Variants in TIAM2 observed in about 807,000 individuals in gnomAD.
TIAM2 encodes the protein rho guanine nucleotide exchange factor TIAM2.
Under a neutral mutation model 152.9 loss-of-function variants are expected in TIAM2, and 80 were observed. That is an observed-to-expected ratio of 0.52 (90% confidence interval 0.44 to 0.63). The LOEUF (loss-of-function observed/expected upper bound fraction) is 0.63. TIAM2 is among the 30% of genes least tolerant of loss of function. The pLI, the probability that TIAM2 is intolerant of heterozygous loss-of-function variation, is 0.00. For synonymous variants in TIAM2, 804 were observed against 838.0 expected, an observed-to-expected ratio of 0.96 and a Z score of 0.70; for missense variants, 1,965 against 2,120.1, an observed-to-expected ratio of 0.93 and a Z score of 1.44.
Position 155,218,492 on chromosome 6 carries a change from C to G in TIAM2, c.3168+7185C>G, listed in dbSNP as rs1370508940. 2.6e-5 allele frequency among the ~76,000 whole-genome samples: 4 copies of G among 152,196 alleles called. No homozygotes were observed. Among genetic ancestry groups the G allele is most frequent in the Non-Finnish European group, 5.9e-5 (4 of 68,040 alleles). On this transcript the variant is annotated intron_variant, in intron 15 of 26. Transcript: ENST00000682666. The surrounding 1 kb of genome is among the most constrained non-coding windows in gnomAD (Gnocchi z 4.5). ...ATTATGTGACCTGGGGCAAGTTACCCAACCTTTGTAAGCCTGTGTGTCCTC... is the reference window on the plus strand; with the variant it reads ...ATTATGTGACCTGGGGCAAGTTACCGAACCTTTGTAAGCCTGTGTGTCCTC...
chr6:155,148,199 C>T lies in TIAM2; in HGVS notation c.1893C>T (p.Asp631=). 1.9e-6 allele frequency: 3 copies of T among 1,613,432 alleles called. No homozygotes were observed. Among genetic ancestry groups the T allele is most frequent in the Non-Finnish European group, 2.5e-6 (3 of 1,180,022 alleles). ...TTGCAAAGAAGCATGGGAAAGAGGA[C>T]ACGCTGCGGCTGCTGAAGAACCAGA... ...SLFAKKHGKE[D]TLRLLKNQTK... Residue 631 remains aspartate (D), a synonymous_variant, in exon 7 of 27, where the codon GAC becomes GAT. Coordinates refer to ENST00000682666, the MANE Select transcript of TIAM2 (RefSeq NM_012454.4).
At chr6:155,047,213 C>T (rs750036891) in intron 1 of TIAM2, among the ~76,000 whole-genome samples, 18 of 152,294 alleles carry the variant, frequency 1.2e-4, no homozygotes, top group East Asian at 9.7e-4. Flanking sequence ...CTCACTCTGT[C>T]GCCCAGGCTG....
intron 7 of TIAM2, among the ~76,000 whole-genome samples, chr6:155,148,579 A>G (rs1779873114): frequency 1.3e-5 from 2 of 152,070 alleles, no homozygotes; most frequent in Admixed American, 1.3e-4. Flanking sequence ...ATATTTTGTG[A>G]CCCAAACTTA....
In TIAM2 at chr6:155,257,111, G is replaced by T. The variant is rs921061743; in HGVS notation, c.5096G>T (p.Gly1699Val). The T allele has an allele frequency of 2.6e-6, 4 of 1,556,988 alleles. No individual in the cohort carries two copies. The African/African-American group carries it at 4.2e-5, about 17-fold the overall frequency. The change falls in exon 27 of 27, where the codon GGA becomes GTA. Residue 1699 changes from glycine (G) to valine (V), a missense_variant. Transcript: ENST00000682666. ...EECFYETESH[G>V]KS is the part of the protein sequence containing the mutation. ...TGTTTTTATGAAACAGAGAGCCACG[G>T]AAAATCATAGTATGATTCAATCCAG...
At chr6:155,243,226 T>C (rs1783139429) in intron 16 of TIAM2, among the ~76,000 whole-genome samples, 2 of 152,188 alleles carry the variant, frequency 1.3e-5, no homozygotes, top group Admixed American at 1.3e-4. Context: ...TTTGAGATTC[T>C]GTGAATCAGT....
At chr6:155,104,628 G>A (rs1313513423) in intron 2 of TIAM2, among the ~76,000 whole-genome samples, 2 of 151,988 alleles carry the variant, frequency 1.3e-5, no homozygotes, top group African/African-American at 2.4e-5. Context: ...GTGGTGGCGG[G>A]CGCTTGTAGT....
At chr6:155,105,058 A>G (rs1029276715) in intron 2 of TIAM2, among the ~76,000 whole-genome samples, 5 of 151,776 alleles carry the variant, frequency 3.3e-5, no homozygotes, top group Non-Finnish European at 5.9e-5. Context: ...CCCAGGCTCA[A>G]TAGATCCTCC....
rs187312167 is a variant in TIAM2 at position 155,178,792 on chromosome 6, C to T, written c.2524-247C>T. ...GTTTTGCTGTATTGGCTAGGCTGGT[C>T]TCCAACTCCTGACCTCAAGTGATCC... On this transcript the variant is annotated intron_variant, in intron 10 of 26. Coordinates refer to ENST00000682666, the MANE Select transcript of TIAM2 (RefSeq NM_012454.4). Among the ~76,000 whole-genome samples the T allele has an allele frequency of 2.0e-3, 300 of 152,232 alleles. 3 individuals are homozygous for T. The East Asian group carries it at 0.02, about 10-fold the overall frequency.
chr6:155,208,430 C>G (rs375214848), intron 14 of TIAM2, among the ~76,000 whole-genome samples: 95 of 152,262 alleles, frequency 6.2e-4, no homozygotes, highest in African/African-American at 2.0e-3. Flanking sequence ...TCATCCACCC[C>G]CTTGGCTTCA....
At chr6:155,252,385 A>G (rs1001142766) in intron 23 of TIAM2, among the ~76,000 whole-genome samples, 16 of 152,248 alleles carry the variant, frequency 1.1e-4, no homozygotes, top group East Asian at 5.8e-4. Context: ...AGGAGGATCA[A>G]TTGAGCCCAG....
intron 1 of TIAM2, among the ~76,000 whole-genome samples, chr6:155,006,388 A>G (rs1778402351): frequency 6.6e-6 from 1 of 151,812 alleles, no homozygotes; most frequent in African/African-American, 2.4e-5. Context: ...CGGAGTCTCG[A>G]TCGGGCATGG....
intron 2 of TIAM2, among the ~76,000 whole-genome samples, chr6:155,104,064 A>AC (rs1318379082): frequency 1.6e-4 from 8 of 49,030 alleles, no homozygotes. Flanking sequence ...ACCCCCACAC[A>AC]CCCCCACACA....
At chr6:155,250,886 TC>T (rs1403073125) in intron 21 of TIAM2, 26 bp from the exon 22 acceptor site, 1 of 1,605,720 alleles carries the variant, frequency 6.2e-7, no homozygotes. Context: ...TTCCGTATCT[TC>T]CTTACCTCCT....
At chr6:155,007,452 T>C (rs1441055749) in intron 1 of TIAM2, among the ~76,000 whole-genome samples, 3 of 151,452 alleles carry the variant, frequency 2.0e-5, no homozygotes, top group African/African-American at 7.3e-5. Context: ...TGGCACAATC[T>C]CGGCTCACTG....
At chr6:155,012,379 G>C (rs951429161) in intron 1 of TIAM2, among the ~76,000 whole-genome samples, 1 of 152,094 alleles carries the variant, frequency 6.6e-6, no homozygotes, top group African/African-American at 2.4e-5. Flanking sequence ...ACTCAATGTA[G>C]TCTTACAGAA....
intron 1 of TIAM2, among the ~76,000 whole-genome samples, chr6:155,000,191 T>G (rs1168509062): frequency 1.3e-5 from 2 of 152,154 alleles, no homozygotes; most frequent in African/African-American, 4.8e-5. Flanking sequence ...CTTAAACAAC[T>G]CCCTCAATGT....
chr6:155,237,114 A>G (rs542191834), intron 15 of TIAM2, among the ~76,000 whole-genome samples: 76 of 152,352 alleles, frequency 5.0e-4, no homozygotes, highest in Non-Finnish European at 8.1e-4. Context: ...TCTAGATACA[A>G]TGGGGGTACA....
intron 4 of TIAM2, among the ~76,000 whole-genome samples, chr6:155,133,474 G>C (rs1779491419): frequency 1.3e-5 from 2 of 151,856 alleles, no homozygotes; most frequent in Admixed American, 1.3e-4. Context: ...GTTAAAAAAA[G>C]TACCTTCTTA....
chr6:155,019,837 GA>G (rs1397776817), intron 1 of TIAM2, among the ~76,000 whole-genome samples: 2 of 152,120 alleles, frequency 1.3e-5, no homozygotes, highest in Non-Finnish European at 2.9e-5. Flanking sequence ...GGCGGATCAC[GA>G]GGTCAAGAGA....
Sources: allele counts gnomAD v4.1 joint callset (sites outside exome capture counted in the v4.1 genomes callset), GRCh38; gene constraint gnomAD v4.1.1; non-coding constraint Gnocchi (gnomAD v3.1); transcripts MANE v1.5; gene names NCBI Gene and HGNC (gene_info 2026-07-23, HGNC 2026-07-21).